The following NPAS3 variants were observed in gnomAD, a reference collection of about 807,000 sequenced individuals.
NPAS3 encodes neuronal PAS domain-containing protein 3.
NPAS3 carries 14 observed loss-of-function variants against 73.1 expected under a neutral mutation model. That is an observed-to-expected ratio of 0.19 (90% CI 0.13 to 0.30). The LOEUF is 0.30. NPAS3 is among the 10% of genes least tolerant of loss of function. NPAS3 has a pLI of 1.00. For synonymous variants in NPAS3, 620 were observed against 541.5 expected, an observed-to-expected ratio of 1.14 and a Z score of -2.01; for missense variants, 1,096 against 1,250.0, an observed-to-expected ratio of 0.88 and a Z score of 1.86.
chr14:33,430,868 G>T (rs1295679365), intron 4 of NPAS3, among the ~76,000 whole-genome samples: 3 of 152,174 alleles, frequency 2.0e-5, no homozygotes, highest in South Asian at 2.1e-4. Flanking sequence ...GAAGCTGAGG[G>T]GTTTAAGCAG....
At chr14:33,485,981 T>C (rs2051573893) in intron 4 of NPAS3, among the ~76,000 whole-genome samples, 1 of 151,970 alleles carries the variant, frequency 6.6e-6, no homozygotes, top group African/African-American at 2.4e-5. Context: ...AGGTTCTGGA[T>C]GTGGATGTGA....
intron 2 of NPAS3, among the ~76,000 whole-genome samples, chr14:33,139,543 T>C (rs573786618): frequency 6.6e-6 from 1 of 152,256 alleles, no homozygotes; most frequent in Non-Finnish European, 1.5e-5. Context: ...TTAAATTATT[T>C]TTAAGCCCTG....
chr14:33,130,665 C>A (rs1566591897), intron 2 of NPAS3, among the ~76,000 whole-genome samples: 1 of 152,048 alleles, frequency 6.6e-6, no homozygotes, highest in African/African-American at 2.4e-5. Flanking sequence ...CAATTATTTT[C>A]TTATGCTTTT....
At chr14:33,004,418 T>C (rs1478588960) in intron 1 of NPAS3, among the ~76,000 whole-genome samples, 3 of 152,100 alleles carry the variant, frequency 2.0e-5, no homozygotes, top group African/African-American at 4.8e-5. Context: ...TATCTAAACA[T>C]AGAAAAGGTC....
intron 7 of NPAS3, among the ~76,000 whole-genome samples, chr14:33,746,646 T>C (rs551130594): frequency 1.3e-5 from 2 of 152,242 alleles, no homozygotes; most frequent in African/African-American, 2.4e-5. Context: ...CTGTGAGACA[T>C]GTATTATCAC....
intron 4 of NPAS3, among the ~76,000 whole-genome samples, chr14:33,435,445 A>G (rs540114591): frequency 2.0e-5 from 3 of 152,194 alleles, no homozygotes; most frequent in Admixed American, 6.5e-5. Context: ...AGAGTTCATA[A>G]TTTTATGAAG....
chr14:33,140,902 G>A (rs188363322), intron 2 of NPAS3, among the ~76,000 whole-genome samples: 34 of 152,096 alleles, frequency 2.2e-4, no homozygotes, highest in African/African-American at 8.0e-4. Context: ...AACATAATGG[G>A]GAAATCCTAA....
At chr14:32,963,338 A>G (rs977249949) in intron 1 of NPAS3, among the ~76,000 whole-genome samples, 4 of 152,204 alleles carry the variant, frequency 2.6e-5, no homozygotes, top group Non-Finnish European at 4.4e-5. Flanking sequence ...AGGACATTAA[A>G]TTGAAATAAT....
At chr14:33,305,471 CTA>C (rs1323866281) in intron 3 of NPAS3, among the ~76,000 whole-genome samples, 2 of 152,036 alleles carry the variant, frequency 1.3e-5, no homozygotes, top group African/African-American at 4.8e-5. Flanking sequence ...AACCTGAAAA[CTA>C]TTTTATTTTC....
chr14:33,556,050 A>C (rs1321919043), intron 4 of NPAS3, among the ~76,000 whole-genome samples: 1 of 152,126 alleles, frequency 6.6e-6, no homozygotes, highest in East Asian at 1.9e-4. Context: ...TCTCACCAGG[A>C]AATTGGAACA....
chr14:33,365,405 TACAC>T (rs1473134945), intron 3 of NPAS3, among the ~76,000 whole-genome samples: 3 of 152,216 alleles, frequency 2.0e-5, no homozygotes, highest in Middle Eastern at 3.4e-3. Flanking sequence ...CACACCCACA[TACAC>T]ACAGTAGTAC....
At chr14:32,995,312 G>T (rs554875605) in intron 1 of NPAS3, among the ~76,000 whole-genome samples, 7 of 152,160 alleles carry the variant, frequency 4.6e-5, no homozygotes, top group African/African-American at 1.7e-4. Context: ...CCTGGGAATC[G>T]TGTTTGGCTC....
chr14:33,097,050 GCCACTCT>G (rs1260901975), intron 2 of NPAS3, among the ~76,000 whole-genome samples: 1 of 141,126 alleles, frequency 7.1e-6, no homozygotes, highest in Non-Finnish European at 1.6e-5. Context: ...CATTCTTGTT[GCCACTCT>G]TTGTGCAATT....
chr14:33,224,928 C>G (rs2047569720), intron 3 of NPAS3, among the ~76,000 whole-genome samples: 1 of 152,058 alleles, frequency 6.6e-6, no homozygotes. Flanking sequence ...ACACGAAATT[C>G]TCTATAAATC....
chr14:33,513,753 G>T (rs1455148803), intron 4 of NPAS3, among the ~76,000 whole-genome samples: 1 of 151,836 alleles, frequency 6.6e-6, no homozygotes, highest in African/African-American at 2.4e-5. Context: ...TTTCCTTCTT[G>T]ACTCCTATGA....
intron 1 of NPAS3, among the ~76,000 whole-genome samples, chr14:32,971,980 C>CCAGG (rs567147360): frequency 1.3e-3 from 179 of 140,522 alleles, no homozygotes; most frequent in African/African-American, 4.1e-3. Flanking sequence ...CACTCTTCGA[C>CCAGG]CAGGCAGGAG....
chr14:33,016,554 A>G lies in NPAS3; in HGVS notation c.51-39351A>G, dbSNP rs17099918. Among the ~76,000 whole-genome samples the G allele has an allele frequency of 1.6e-3, 236 of 151,786 alleles. 5 individuals are homozygous for G. The East Asian group carries it at 0.04, about 26-fold the overall frequency. Reference sequence around the variant, plus strand: ...CATCACACACCAGTTTTCAGAGTACACATGTAAAATATAGAACCATGAAAA... The same window carrying G: ...CATCACACACCAGTTTTCAGAGTACGCATGTAAAATATAGAACCATGAAAA... On this transcript the variant is annotated intron_variant, in intron 1 of 11. Transcript: ENST00000356141.
intron 4 of NPAS3, among the ~76,000 whole-genome samples, chr14:33,481,028 T>A (rs2051302051): frequency 6.6e-6 from 1 of 152,074 alleles, no homozygotes; most frequent in Admixed American, 6.6e-5. Flanking sequence ...GATAATAGGA[T>A]TAAGTTAAGC....
intron 4 of NPAS3, among the ~76,000 whole-genome samples, chr14:33,450,794 T>TC (rs1378446907): frequency 6.6e-6 from 1 of 152,226 alleles, no homozygotes; most frequent in Non-Finnish European, 1.5e-5. Flanking sequence ...TTTACAAATA[T>TC]CCCCAAATAC....
Sources: gnomAD v4.1 joint callset for allele counts (sites outside exome capture counted in the v4.1 genomes callset) on GRCh38, gnomAD v4.1.1 for gene constraint, MANE v1.5 for transcripts, NCBI Gene and HGNC (gene_info 2026-07-23, HGNC 2026-07-21) for gene names.